The following RGS5 variants were observed in gnomAD, a reference collection of about 807,000 sequenced individuals.
The protein encoded by RGS5 is regulator of G-protein signalling 5.
A neutral mutation model predicts 18.9 loss-of-function variants in RGS5; 20 were observed. That is an observed-to-expected ratio of 1.06 (90% confidence interval 0.74 to 1.54). RGS5 has a LOEUF of 1.54. Ranked by LOEUF, RGS5 falls within the 40% of genes most tolerant of loss-of-function variation. RGS5 has a pLI of 0.00. For missense variants in RGS5, 201 were observed against 211.8 expected, an observed-to-expected ratio of 0.95 and a Z score of 0.32; for synonymous variants, 57 against 76.2, an observed-to-expected ratio of 0.75 and a Z score of 1.31.
At chr1:163,217,682 G>C, upstream of RGS5, 1 of 1,463,196 alleles carries the variant, frequency 6.8e-7, no homozygotes. Flanking sequence ...AAACAATGCT[G>C]AGAGAAGAGC....
At chr1:163,206,346 C>T (rs1416749357), upstream of RGS5, among the ~76,000 whole-genome samples, 2 of 151,660 alleles carry the variant, frequency 1.3e-5, no homozygotes, top group Non-Finnish European at 2.9e-5. Context: ...AATATGGATT[C>T]ATTAAAAGTA....
rs1028482686 is a variant in RGS5 at position 163,144,823 on chromosome 1, C to G, written c.*2519G>C. On this transcript the variant is annotated 3_prime_UTR_variant, in exon 5 of 5. Transcript: ENST00000313961. ...GTTTCCAAAAACTTTCAGAAGTGTT[C>G]AAAGAAATTTTCTTGAACAATTTTA... 1 of 152,426 alleles carries G rather than the reference C, an allele frequency of 6.6e-6. No individual in the cohort carries two copies. The highest frequency in any genetic ancestry group is 1.5e-5 in the Non-Finnish European group (1 of 67,980). The allele number at this position is 152,426 out of a possible 1,614,324, so 9.4% of individuals were successfully genotyped here.
intron 2 of RGS5, among the ~76,000 whole-genome samples, chr1:163,224,406 T>C (rs184057806): frequency 1.3e-5 from 2 of 152,386 alleles, no homozygotes; most frequent in Admixed American, 6.5e-5. Flanking sequence ...TGCTGAATAG[T>C]ATTCCACTGT....
intron 4 of RGS5, among the ~76,000 whole-genome samples, chr1:163,148,179 G>A (rs1454172653): frequency 3.3e-5 from 5 of 151,816 alleles, no homozygotes; most frequent in South Asian, 4.2e-4. Context: ...TGCCTGCCTC[G>A]GCCTCCCAAA....
intron 2 of RGS5, among the ~76,000 whole-genome samples, chr1:163,240,852 G>A (rs765425896): frequency 6.6e-6 from 1 of 152,142 alleles, no homozygotes. Context: ...TTGAGGTCAT[G>A]GTTACCTGGG....
rs1035439679 is a variant in RGS5, at chr1:163,255,912, C to G, written c.-281+50321G>C. Among the ~76,000 whole-genome samples the G allele has an allele frequency of 4.5e-3, 681 of 152,088 alleles. 6 individuals carry two copies. Among genetic ancestry groups the G allele is most frequent in the African/African-American group, 0.014 (598 of 41,488 alleles). ...AAGGCCTTTGACAAAATTCAACAAC[C>G]CTTCATGCTAAAAACTCTCAATAAA... On this transcript the variant is annotated intron_variant, in intron 2 of 5. Coordinates refer to the RGS5 transcript ENST00000618415.
intron 2 of RGS5, among the ~76,000 whole-genome samples, chr1:163,296,515 A>G (rs1649422531): frequency 2.6e-5 from 4 of 152,184 alleles, no homozygotes; most frequent in African/African-American, 9.6e-5. Context: ...CAGCTCATGT[A>G]TGGACAACCT....
chr1:163,305,987 TTTC>T (rs1278167011), intron 2 of RGS5, among the ~76,000 whole-genome samples: 1 of 150,256 alleles, frequency 6.7e-6, no homozygotes, highest in Non-Finnish European at 1.5e-5. Context: ...TATACAACTG[TTTC>T]TTATTTTTTT....
intron 2 of RGS5, among the ~76,000 whole-genome samples, chr1:163,299,662 C>A (rs144986194): frequency 6.6e-6 from 1 of 152,144 alleles, no homozygotes; most frequent in Non-Finnish European, 1.5e-5. Context: ...AACTCGAAAA[C>A]AAACACTGGG....
At chr1:163,247,443 A>G (rs1051887897) in intron 2 of RGS5, among the ~76,000 whole-genome samples, 3 of 152,092 alleles carry the variant, frequency 2.0e-5, no homozygotes, top group Admixed American at 6.6e-5. Context: ...ATATGTAATC[A>G]GCAACTATTA....
chr1:163,305,531 T>C (rs1649673517), intron 2 of RGS5, among the ~76,000 whole-genome samples: 1 of 152,332 alleles, frequency 6.6e-6, no homozygotes, highest in South Asian at 2.1e-4. Flanking sequence ...GTCATTACTT[T>C]GGTGGCTTGC....
intron 2 of RGS5, among the ~76,000 whole-genome samples, chr1:163,271,764 T>A (rs1476857703): frequency 6.6e-6 from 1 of 152,174 alleles, no homozygotes; most frequent in African/African-American, 2.4e-5. Context: ...TGCATTTAAG[T>A]CCCTTTGTGG....
At chr1:163,280,419 T>G (rs980442248) in intron 2 of RGS5, among the ~76,000 whole-genome samples, 1 of 152,018 alleles carries the variant, frequency 6.6e-6, no homozygotes, top group Non-Finnish European at 1.5e-5. Flanking sequence ...AATATAATCA[T>G]CTCAATAGAT....
chr1:163,306,471 T>C (rs1055738540), intron 1 of RGS5: 3 of 152,244 alleles, frequency 2.0e-5, no homozygotes, highest in East Asian at 1.9e-4. Context: ...CAAGCTGGTA[T>C]ATTTGCCCTG....
upstream of RGS5, among the ~76,000 whole-genome samples, chr1:163,205,325 T>TA (rs1659921333): frequency 7.1e-6 from 1 of 140,162 alleles, no homozygotes; most frequent in Admixed American, 7.3e-5. Flanking sequence ...TAGTTTGTGT[T>TA]ACGTGTTTTT....
chr1:163,187,295 T>C (rs985593329), intron 1 of RGS5, among the ~76,000 whole-genome samples: 4 of 152,240 alleles, frequency 2.6e-5, no homozygotes, highest in Non-Finnish European at 5.9e-5. Flanking sequence ...TTTTTCTCAA[T>C]CTTGCCAGCT....
intron 2 of RGS5, among the ~76,000 whole-genome samples, chr1:163,300,041 C>T (rs903953428): frequency 1.3e-5 from 2 of 152,218 alleles, no homozygotes; most frequent in African/African-American, 4.8e-5. Context: ...CCTCATCTAT[C>T]ATTTACATTT....
chr1:163,189,347 G>A (rs1239281760), intron 1 of RGS5, among the ~76,000 whole-genome samples: 1 of 152,156 alleles, frequency 6.6e-6, no homozygotes, highest in Non-Finnish European at 1.5e-5. Context: ...GAAGAGTCAA[G>A]GAACTCTTCC....
chr1:163,213,150 A>G (rs2101672685), intron 1 of RGS5: 1 of 152,316 alleles, frequency 6.6e-6, no homozygotes, highest in South Asian at 2.1e-4. Flanking sequence ...TGGTTTCACA[A>G]AATTAATTTA....
Sources: allele counts gnomAD v4.1 joint callset (sites outside exome capture counted in the v4.1 genomes callset), GRCh38; gene constraint gnomAD v4.1.1; transcripts MANE v1.5; gene names NCBI Gene and HGNC (gene_info 2026-07-23, HGNC 2026-07-21).